Variants in IRAG2 observed in about 807,000 individuals in gnomAD.
IRAG2 encodes the protein lymphoid restricted membrane protein.
Under a neutral mutation model 69.9 loss-of-function variants are expected in IRAG2, and 45 were observed. The observed-to-expected ratio is 0.64, with a 90% CI of 0.51 to 0.83. The LOEUF is 0.83. Ranked by LOEUF, IRAG2 falls within the 40% of genes least tolerant of loss-of-function variation. IRAG2 has a pLI of 0.00. For missense variants in IRAG2, 520 were observed against 587.0 expected (o/e 0.89, Z 1.18); for synonymous variants, 193 against 202.4 (o/e 0.95, Z 0.40).
At chr12:25,037,924 C>T in intron 15 of IRAG2, 1 of 398,272 alleles carries the variant, frequency 2.5e-6, no homozygotes, top group East Asian at 3.6e-5. Flanking sequence ...TGTCATTTGT[C>T]CGTGTTTAAC....
intron 8 of IRAG2, among the ~76,000 whole-genome samples, chr12:25,025,935 G>A (rs531922045): frequency 6.6e-6 from 1 of 152,202 alleles, no homozygotes; most frequent in South Asian, 2.1e-4. Flanking sequence ...ATGAGCTAGG[G>A]GTTCGAAAAT....
At chr12:25,089,837 C>G in intron 13 of IRAG2, 47 bp downstream of exon 13, 3 of 1,586,632 alleles carry the variant, frequency 1.9e-6, no homozygotes, top group Non-Finnish European at 2.6e-6. Context: ...GTGTTCCAGA[C>G]TCACCTGCTA....
At chr12:25,024,348 T>C (rs938955024) in intron 8 of IRAG2, among the ~76,000 whole-genome samples, 7 of 152,234 alleles carry the variant, frequency 4.6e-5, no homozygotes, top group African/African-American at 1.4e-4. Flanking sequence ...ATAGTACCTA[T>C]GCCATGGAGT....
chr12:25,043,915 CAG>C (rs1195399840), intron 16 of IRAG2, among the ~76,000 whole-genome samples: 3 of 152,118 alleles, frequency 2.0e-5, no homozygotes, highest in African/African-American at 7.2e-5. Context: ...ACTTACCTGA[CAG>C]AGAATCCCAT....
chr12:25,068,329 GT>G (rs1447356044), intron 5 of IRAG2, among the ~76,000 whole-genome samples: 4 of 152,206 alleles, frequency 2.6e-5, no homozygotes, highest in African/African-American at 9.6e-5. Context: ...CATCGGAAAG[GT>G]TTGGAAATGT....
chr12:25,092,879 C>A, intron 14 of IRAG2: 1 of 159,282 alleles, frequency 6.3e-6, no homozygotes, highest in Non-Finnish European at 1.4e-5. Context: ...ACTGTTCTCT[C>A]CTTAAGTTCA....
At chr12:25,058,626 C>CTTA in intron 1 of IRAG2, among the ~76,000 whole-genome samples, 1 of 152,242 alleles carries the variant, frequency 6.6e-6, no homozygotes, top group South Asian at 2.1e-4. Flanking sequence ...AACATGATAA[C>CTTA]GGCTCTAATA....
intron 5 of IRAG2, among the ~76,000 whole-genome samples, chr12:25,016,828 C>T (rs1442281057): frequency 6.6e-6 from 1 of 151,492 alleles, no homozygotes; most frequent in Non-Finnish European, 1.5e-5. Flanking sequence ...AGGAACTCTT[C>T]GTTTAGAAGA....
intron 9 of IRAG2, among the ~76,000 whole-genome samples, chr12:25,027,616 A>G (rs576517935): frequency 2.0e-5 from 3 of 152,154 alleles, no homozygotes; most frequent in Non-Finnish European, 4.4e-5. Context: ...GGATGGTCTC[A>G]ATCTCCTGAC....
At chr12:25,045,848 T>TA (rs71063392) in intron 16 of IRAG2, among the ~76,000 whole-genome samples, 28 of 131,568 alleles carry the variant, frequency 2.1e-4, no homozygotes, top group African/African-American at 7.8e-4. Flanking sequence ...AAATAAAAGA[T>TA]AAAAAAAAAA....
At chr12:25,088,181 C>T (rs1450001265) in intron 11 of IRAG2, 24 bp downstream of exon 11, 13 of 1,590,624 alleles carry the variant, frequency 8.2e-6, no homozygotes, top group Middle Eastern at 1.7e-4. Flanking sequence ...CTTTCAATCC[C>T]CATGTGAACT....
At chr12:24,999,818 T>TAAA, upstream of IRAG2, among the ~76,000 whole-genome samples, 1 of 141,982 alleles carries the variant, frequency 7.0e-6, no homozygotes, top group Non-Finnish European at 1.5e-5. Context: ...CAGATTTAGC[T>TAAA]AAAAAAAAAA....
chr12:25,056,191 T>C, intron 1 of IRAG2, among the ~76,000 whole-genome samples: 1 of 152,052 alleles, frequency 6.6e-6, no homozygotes, highest in Non-Finnish European at 1.5e-5. Context: ...GCTTGGAGCA[T>C]GGATTCAAGA....
chr12:25,071,898 A>T (rs1431047148), intron 6 of IRAG2, among the ~76,000 whole-genome samples: 3 of 151,516 alleles, frequency 2.0e-5, no homozygotes, highest in African/African-American at 7.3e-5. Flanking sequence ...TCTGTGCTTC[A>T]CACCCATTAA....
intron 8 of IRAG2, among the ~76,000 whole-genome samples, chr12:25,025,597 T>G (rs113285632): frequency 6.6e-5 from 10 of 152,338 alleles, no homozygotes; most frequent in African/African-American, 2.4e-4. Flanking sequence ...TAATTCCGTT[T>G]TAACAAGACA....
At chr12:25,015,497 G>A (rs1206148985) in intron 5 of IRAG2, 6 of 996,026 alleles carry the variant, frequency 6.0e-6, no homozygotes, top group Admixed American at 8.5e-5. Context: ...ATAAATCTAC[G>A]TATTTCAGTT....
chr12:25,078,925 A>G (rs1947008476), intron 6 of IRAG2, among the ~76,000 whole-genome samples: 1 of 152,236 alleles, frequency 6.6e-6, no homozygotes, highest in Admixed American at 6.5e-5. Context: ...TTTCTGTTTA[A>G]AGAAAACTTG....
intron 13 of IRAG2, among the ~76,000 whole-genome samples, chr12:25,034,146 C>T (rs1944688796): frequency 6.6e-6 from 1 of 152,186 alleles, no homozygotes; most frequent in South Asian, 2.1e-4. Flanking sequence ...AAAGCTACAG[C>T]AAGGTTGAAG....
At chr12:25,097,745 T>A (rs1419655405) in intron 15 of IRAG2, among the ~76,000 whole-genome samples, 2 of 152,236 alleles carry the variant, frequency 1.3e-5, no homozygotes, top group East Asian at 3.8e-4. Flanking sequence ...GAGAATACTG[T>A]TATTCTTTGT....
Sources: gnomAD v4.1 joint callset for allele counts (sites outside exome capture counted in the v4.1 genomes callset) on GRCh38, gnomAD v4.1.1 for gene constraint, MANE v1.5 for transcripts, NCBI Gene and HGNC (gene_info 2026-07-23, HGNC 2026-07-21) for gene names.